Variants in HNRNPL observed in about 807,000 individuals in gnomAD.
HNRNPL encodes epididymis secretory sperm binding protein.
A neutral mutation model predicts 64.0 loss-of-function variants in HNRNPL; 12 were observed. That is an observed-to-expected ratio of 0.19 (90% CI 0.12 to 0.30). The LOEUF (loss-of-function observed/expected upper bound fraction) is 0.30, where lower values mean the gene tolerates loss of function less well. Among genes scored for constraint, HNRNPL ranks in the 10% least tolerant of loss-of-function variants. HNRNPL has a pLI of 1.00. For missense variants in HNRNPL, 484 were observed against 797.4 expected (o/e 0.61, Z 4.73); for synonymous variants, 385 against 313.0 (o/e 1.23, Z -2.43).
At chr19:38,851,405 CATT>C (rs1221777200), upstream of HNRNPL, among the ~76,000 whole-genome samples, 1 of 152,216 alleles carries the variant, frequency 6.6e-6, no homozygotes, top group East Asian at 1.9e-4. Flanking sequence ...CGGCATTTAA[CATT>C]ATGGGGCTGC....
chr19:38,851,280 C>G (rs1195108659), upstream of HNRNPL: 2 of 152,300 alleles, frequency 1.3e-5, no homozygotes, highest in African/African-American at 4.8e-5. Flanking sequence ...CGGAGGGTAT[C>G]TCCAGACTCC....
At chr19:38,844,238 C>G (rs745325877) in intron 4 of HNRNPL, 134 bp from the exon 5 acceptor site, 108 of 641,650 alleles carry the variant, frequency 1.7e-4, no homozygotes, top group Non-Finnish European at 2.6e-4. Context: ...AGCTCACTGC[C>G]CAGCCACTAG....
chr19:38,846,618 T>C (rs1262673804), intron 2 of HNRNPL, among the ~76,000 whole-genome samples: 2 of 151,784 alleles, frequency 1.3e-5, no homozygotes, highest in Admixed American at 1.3e-4. Flanking sequence ...CAGAACAATA[T>C]AAAAATTAGG....
chr19:38,838,992 C>T lies in HNRNPL; in HGVS notation c.1257G>A (p.Pro419=), dbSNP rs372302259. ...CAGCCATCTCCACCATGGCGGCCCC[C>T]GGCTTGCTTTTCATGAATTTCACCT... ...VEKVKFMKSK[P]GAAMVEMADG... The change falls in exon 9 of 13, where the codon CCG becomes CCA. Residue 419 remains proline, a synonymous_variant. Coordinates refer to ENST00000221419, the MANE Select transcript of HNRNPL (RefSeq NM_001533.3). The T allele has an allele frequency of 8.1e-6, 13 of 1,614,030 alleles. No individual in the cohort carries two copies. Among genetic ancestry groups the T allele is most frequent in the Admixed American group, 3.3e-5 (2 of 60,002 alleles).
intron 10 of HNRNPL, 130 bp from the exon 11 acceptor site, chr19:38,837,781 A>G: frequency 2.7e-6 from 2 of 730,462 alleles, no homozygotes; most frequent in Non-Finnish European, 4.7e-6. Flanking sequence ...ATTTTATCAC[A>G]TACCCTAAGG....
chr19:38,846,737 T>C (rs894169989), intron 2 of HNRNPL, among the ~76,000 whole-genome samples: 9 of 152,002 alleles, frequency 5.9e-5, no homozygotes, highest in Admixed American at 5.2e-4. Context: ...CGAAACCCCA[T>C]CTCTACTAAA....
Position 38,849,717 on chromosome 19 carries a change from C to T in HNRNPL, c.250G>A (p.Gly84Ser). The T allele has an allele frequency of 7.3e-7, 1 of 1,367,850 alleles. No homozygotes were observed. The allele number at this position is 1,367,850 out of a possible 1,614,324, so 84.7% of individuals were successfully genotyped here. Residue 84 changes from glycine to serine, a missense_variant, in exon 1 of 13, where the codon GGC becomes AGC. Coordinates refer to ENST00000221419, the MANE Select transcript of HNRNPL (RefSeq NM_001533.3). Reference sequence around the variant, plus strand: ...GGCCTCACCCCACCGCCGCCGCCGCCCGCCGCCCCGGCTCCTCCACCGCCA... The same window carrying T: ...GGCCTCACCCCACCGCCGCCGCCGCTCGCCGCCCCGGCTCCTCCACCGCCA... The part of the protein sequence containing the change: ...GGGGGGAGAA[G>S]GGGGGENYDD...
intron 2 of HNRNPL, 71 bp from the exon 3 acceptor site, chr19:38,846,161 T>C: frequency 8.5e-7 from 1 of 1,172,168 alleles, no homozygotes; most frequent in Non-Finnish European, 1.3e-6. Context: ...ATTTGATTTT[T>C]TGAGAACTGA....
Position 38,845,986 on chromosome 19 carries a change from ATGTATATTTGGT to A in HNRNPL, c.479_490del (p.Asn160_Tyr163del), listed in dbSNP as rs1209664642. 6.2e-7 allele frequency: 1 copy of A among 1,614,182 alleles called. No homozygotes were observed. Among genetic ancestry groups the A allele is most frequent in the Non-Finnish European group, 8.5e-7 (1 of 1,180,008 alleles). Reference sequence around the variant, plus strand: ...GTTGACAAAAGCTGGGTGACCAGCAATGTATATTTGGTTGTCGGCTGCGTAGTTCACTGCGTT... The same window carrying A: ...GTTGACAAAAGCTGGGTGACCAGCAATGTCGGCTGCGTAGTTCACTGCGTT... On this transcript the variant is annotated inframe_deletion, in exon 3 of 13. Transcript: ENST00000221419.
At chr19:38,842,690 T>A (rs1304404045) in intron 6 of HNRNPL, among the ~76,000 whole-genome samples, 2 of 152,086 alleles carry the variant, frequency 1.3e-5, no homozygotes. Flanking sequence ...GTATGGTTCC[T>A]GAGGGGTGGC....
In HNRNPL at chr19:38,836,792, A is replaced by G. The variant is rs1377760815; in HGVS notation, c.1712-12T>C. On this transcript the variant is annotated splice_polypyrimidine_tract_variant and intron_variant, in intron 12 of 12. Coordinates refer to ENST00000221419, the MANE Select transcript of HNRNPL (RefSeq NM_001533.3). ...AGGGTATGGACCATCTGCAAAGGAG[A>G]GACAAGTTTGGTTGGTTCCCGTCTT... 1 of 1,608,708 alleles carries G rather than the reference A, an allele frequency of 6.2e-7. No individual in the cohort carries two copies. The highest frequency in any genetic ancestry group is 1.3e-5 in the African/African-American group (1 of 74,698).
chr19:38,852,071 C>G (rs1327777954), upstream of HNRNPL, among the ~76,000 whole-genome samples: 1 of 147,298 alleles, frequency 6.8e-6, no homozygotes, highest in South Asian at 2.1e-4. Context: ...CCGCGGCCGG[C>G]CCGGACGCCC....
In HNRNPL at chr19:38,844,174, G is replaced by A. The variant is rs148949374; in HGVS notation, c.711-70C>T. 1.1e-5 allele frequency: 11 copies of A among 976,438 alleles called. No individual in the cohort carries two copies. The East Asian group carries it at 2.6e-4, about 23-fold the overall frequency. 60.5% of individuals were successfully genotyped at this position (976,438 alleles called of 1,614,324 possible). ...AGGGCTTCAAGTTACCCCAGAGTGT[G>A]ATAAGGACAAGGTAGCACCCCAAGA... On this transcript the variant is annotated intron_variant, in intron 4 of 12. Coordinates refer to ENST00000221419, the MANE Select transcript of HNRNPL (RefSeq NM_001533.3).
intron 9 of HNRNPL, 39 bp from the exon 10 acceptor site, chr19:38,838,637 A>G (rs1378270940): frequency 6.3e-7 from 1 of 1,587,228 alleles, no homozygotes; most frequent in South Asian, 1.1e-5. Context: ...GTCATACCCA[A>G]AGTTGTCCCT....
chr19:38,845,358 C>A (rs1972256921), intron 4 of HNRNPL: 4 of 350,776 alleles, frequency 1.1e-5, no homozygotes, highest in South Asian at 3.0e-5. Context: ...GCAACAAGGG[C>A]TAAACTCCAT....
rs369572768 is a variant in HNRNPL at position 38,845,848 on chromosome 19, C to T, written c.624+5G>A. ...ACCTCACAAGAAATGCCTGCTGGCA[C>T]GTACCGTGGTGATCGAATAAATGGG... is the stretch of plus-strand genomic sequence containing the variant. On this transcript the variant is annotated splice_donor_5th_base_variant and intron_variant, in intron 3 of 12. Transcript: ENST00000221419. 1.3e-5 allele frequency: 21 copies of T among 1,611,180 alleles called. No individual in the cohort carries two copies. The highest frequency in any genetic ancestry group is 1.1e-4 in the South Asian group (10 of 91,032).
intron 9 of HNRNPL, 31 bp from the exon 10 acceptor site, chr19:38,838,629 C>T: frequency 1.2e-6 from 2 of 1,600,720 alleles, no homozygotes; most frequent in Non-Finnish European, 1.7e-6. Flanking sequence ...GAGCCTTTGT[C>T]ATACCCAAAG....
Position 38,849,837 on chromosome 19 carries a change from C to A in HNRNPL, c.130G>T (p.Gly44Cys). The change falls in exon 1 of 13, where the codon GGT (glycine) becomes TGT (cysteine). Residue 44 changes from glycine to cysteine, a missense_variant. Transcript: ENST00000221419. ...KMAAAGGGGG[G>C]GRYYGGGSEG... ...CTGCCGCCGCCGTAGTAGCGGCCAC[C>A]GCCGCCTCCGCCGCCCGCCGCCGCC... is the stretch of plus-strand genomic sequence containing the variant. 1 of 1,200,868 alleles carries A rather than the reference C, an allele frequency of 8.3e-7. No homozygotes were observed. The highest frequency in any genetic ancestry group is 1.2e-6 in the Non-Finnish European group (1 of 855,810). The allele number at this position is 1,200,868 out of a possible 1,614,324, so 74.4% of individuals were successfully genotyped here. A position where few individuals can be genotyped will look rare whatever the true frequency, so the allele number is the denominator to read the frequency against.
In HNRNPL at chr19:38,836,713, G is replaced by C; in HGVS notation, c.*9C>G. On this transcript the variant is annotated 3_prime_UTR_variant, in exon 13 of 13. Coordinates refer to ENST00000221419, the MANE Select transcript of HNRNPL (RefSeq NM_001533.3). ...TCCTGCTCAGATGGGACTCTTCCTA[G>C]GCACCTAATTAGGAGGCGTGCTGAG... 6.3e-7 allele frequency: 1 copy of C among 1,599,292 alleles called. No homozygotes were observed. Among genetic ancestry groups the C allele is most frequent in the South Asian group, 1.1e-5 (1 of 89,766 alleles).
Sources: gnomAD v4.1 joint callset for allele counts (sites outside exome capture counted in the v4.1 genomes callset) on GRCh38, gnomAD v4.1.1 for gene constraint, MANE v1.5 for transcripts, NCBI Gene and HGNC (gene_info 2026-07-23, HGNC 2026-07-21) for gene names.